The following SNRNP35 variants were observed in gnomAD, a reference collection of about 807,000 sequenced individuals.
SNRNP35 encodes the protein U11/U12 small nuclear ribonucleoprotein 35 kDa protein.
In SNRNP35, 16 loss-of-function variants were observed where a neutral mutation model predicts 24.3. That is an observed-to-expected ratio of 0.66 (90% CI 0.45 to 1.00). SNRNP35 has a LOEUF of 1.00. SNRNP35 is among the 50% of genes least tolerant of loss of function. The pLI is 0.00. For missense variants in SNRNP35, 292 were observed against 327.2 expected, an observed-to-expected ratio of 0.89 and a Z score of 0.83; for synonymous variants, 106 against 124.8, an observed-to-expected ratio of 0.85 and a Z score of 1.00.
rs574829269 is a variant in SNRNP35 at position 123,472,785 on chromosome 12, G to A, written n.1792G>A. On this transcript the variant is annotated non_coding_transcript_exon_variant, in exon 2 of 2. Coordinates refer to the SNRNP35 transcript ENST00000527158. ...CATATAGCAGCAAACTTAGAAGGGA[G>A]CAAATCAATTCAAGGTGTGAAAGAC... 142 of 1,262,390 alleles carry A rather than the reference G, an allele frequency of 1.1e-4. No individual in the cohort carries two copies. The African/African-American group carries it at 2.0e-3, about 18-fold the overall frequency. 78.2% of individuals were successfully genotyped at this position (1,262,390 alleles called of 1,614,324 possible).
chr12:123,466,303 AAGTGAAGTTAC>A lies in SNRNP35; in HGVS notation c.*27_*37del. The A allele has an allele frequency of 6.6e-7, 1 of 1,507,868 alleles. No homozygotes were observed. Among genetic ancestry groups the A allele is most frequent in the Non-Finnish European group, 8.8e-7 (1 of 1,130,860 alleles). The allele number at this position is 1,507,868 out of a possible 1,614,324, so 93.4% of individuals were successfully genotyped here. A position where few individuals can be genotyped will look rare whatever the true frequency, so the allele number is the denominator to read the frequency against. ...GTAGAGGCCCAACAGCAGAACCCCA[AAGTGAAGTTAC>A]AGTGGAAATGAGTGGAGGGGGATTG... On this transcript the variant is annotated 3_prime_UTR_variant, in exon 2 of 2. Coordinates refer to ENST00000526639, the MANE Select transcript of SNRNP35 (RefSeq NM_022717.4).
chr12:123,461,926 T>C (rs908292968), intron 1 of SNRNP35, among the ~76,000 whole-genome samples: 1 of 152,010 alleles, frequency 6.6e-6, no homozygotes, highest in Non-Finnish European at 1.5e-5. Context: ...TTCGCTATGT[T>C]GCTGAGGCTG....
At chr12:123,472,821 G>A (rs1365884360) in exon 2 of SNRNP35, 5 of 874,532 alleles carry the variant, frequency 5.7e-6, no homozygotes, top group East Asian at 2.7e-5. Context: ...AAAGTTGGGG[G>A]TGCAGGTCAA....
intron 1 of SNRNP35, chr12:123,459,763 G>T (rs1019764098): frequency 2.2e-6 from 3 of 1,366,298 alleles, no homozygotes; most frequent in Non-Finnish European, 3.0e-6. Flanking sequence ...CTCCAGCCTG[G>T]GTGACAGAGT....
In SNRNP35 at chr12:123,472,789, A is replaced by G. The variant is rs371622049; in HGVS notation, n.1796A>G. 6.5e-6 allele frequency: 8 copies of G among 1,238,470 alleles called. No homozygotes were observed. In the South Asian group the frequency reaches 9.8e-5, roughly 15 times the overall value. The allele number at this position is 1,238,470 out of a possible 1,614,324, so 76.7% of individuals were successfully genotyped here. On this transcript the variant is annotated non_coding_transcript_exon_variant, in exon 2 of 2. Transcript: ENST00000527158. Reference sequence around the variant, plus strand: ...TAGCAGCAAACTTAGAAGGGAGCAAATCAATTCAAGGTGTGAAAGACAAAG... The same window carrying G: ...TAGCAGCAAACTTAGAAGGGAGCAAGTCAATTCAAGGTGTGAAAGACAAAG...
chr12:123,459,949 C>T, intron 1 of SNRNP35: 2 of 1,222,386 alleles, frequency 1.6e-6, no homozygotes, highest in Non-Finnish European at 2.4e-6. Flanking sequence ...AAAATCCATG[C>T]TTATCCGTTT....
chr12:123,459,283 T>A (rs1252037810), intron 1 of SNRNP35: 1 of 152,378 alleles, frequency 6.6e-6, no homozygotes, highest in Non-Finnish European at 1.5e-5. Flanking sequence ...TTGTAATGCA[T>A]TTTTATAGAC....
chr12:123,465,449 G>C lies in SNRNP35; in HGVS notation c.-3-89G>C. 7.0e-7 allele frequency: 1 copy of C among 1,420,186 alleles called. No homozygotes were observed. The highest frequency in any genetic ancestry group is 1.4e-5 in the African/African-American group (1 of 69,958). The allele number at this position is 1,420,186 out of a possible 1,614,324, so 88.0% of individuals were successfully genotyped here. ...TTCCTGTTTTTAAGAAGAGGTGAAT[G>C]ATAGTATCCTTTTCATGGCATTGTT... On this transcript the variant is annotated intron_variant, in intron 1 of 1. Transcript: ENST00000526639. The surrounding 1 kb of genome is among the most constrained non-coding windows in gnomAD (Gnocchi z 4.2).
At chr12:123,459,931 G>C (rs1880511221) in intron 1 of SNRNP35, 1 of 1,390,578 alleles carries the variant, frequency 7.2e-7, no homozygotes, top group Non-Finnish European at 1.0e-6. Context: ...GCAGATGAGA[G>C]AGAGAACAAA....
At chr12:123,469,672 A>G (rs1054803983), downstream of SNRNP35, among the ~76,000 whole-genome samples, 1 of 151,292 alleles carries the variant, frequency 6.6e-6, no homozygotes, top group African/African-American at 2.4e-5. Flanking sequence ...TTTTTATTTT[A>G]ATTAATTTTT....
In SNRNP35 at chr12:123,466,497, A is replaced by G; in HGVS notation, c.*216A>G. 1 of 469,232 alleles carries G rather than the reference A, an allele frequency of 2.1e-6. No individual in the cohort carries two copies. The highest frequency in any genetic ancestry group is 3.7e-6 in the Non-Finnish European group (1 of 269,138). 29.1% of individuals were successfully genotyped at this position (469,232 alleles called of 1,614,324 possible). On this transcript the variant is annotated 3_prime_UTR_variant, in exon 2 of 2. Transcript: ENST00000526639. ...AAGGACATGTTATTTAACAGGATCA[A>G]GAAGCAATTTTGTAGTTACTGGCAT... is the stretch of plus-strand genomic sequence containing the variant.
rs1189747721 is a variant in SNRNP35, at chr12:123,465,370, G to C, written c.-3-168G>C. The stretch of plus-strand genomic sequence containing the variant: ...AGCACAACTGCCTGGCTTTGGTGCT[G>C]TCTCCCCCACTTACTAGCAGGGAGG... On this transcript the variant is annotated intron_variant, in intron 1 of 1. Coordinates refer to ENST00000526639, the MANE Select transcript of SNRNP35 (RefSeq NM_022717.4). The surrounding 1 kb of genome is among the most constrained non-coding windows in gnomAD (Gnocchi z 4.2). Among the ~76,000 whole-genome samples, 1 of 152,204 alleles carries C rather than the reference G, an allele frequency of 6.6e-6. No homozygotes were observed. Among genetic ancestry groups the C allele is most frequent in the Non-Finnish European group, 1.5e-5 (1 of 68,032 alleles).
At chr12:123,467,258 C>G (rs935602343), downstream of SNRNP35, among the ~76,000 whole-genome samples, 9 of 152,238 alleles carry the variant, frequency 5.9e-5, no homozygotes, top group South Asian at 6.2e-4. Context: ...AAATGCACTT[C>G]CATTCTCACT....
At chr12:123,459,798 G>A (rs1880501437) in intron 1 of SNRNP35, 1 of 1,542,762 alleles carries the variant, frequency 6.5e-7, no homozygotes, top group African/African-American at 1.4e-5. Flanking sequence ...AGTAAAAAAA[G>A]AGAATGTAAA....
At chr12:123,468,158 A>C (rs1224374132), downstream of SNRNP35, among the ~76,000 whole-genome samples, 2 of 150,382 alleles carry the variant, frequency 1.3e-5, no homozygotes, top group Non-Finnish European at 3.0e-5. Context: ...CAGGAGTTCG[A>C]GACCATCCTG....
chr12:123,460,672 T>G (rs1216293550), intron 1 of SNRNP35, among the ~76,000 whole-genome samples: 2 of 147,268 alleles, frequency 1.4e-5, no homozygotes, highest in African/African-American at 5.0e-5. Context: ...CTCAGGAGGC[T>G]AGGGTGGGAG....
At chr12:123,458,256 G>C (rs75082741) in intron 1 of SNRNP35, 40 bp downstream of exon 1, 36,334 of 984,410 alleles carry the variant, frequency 0.037, 729 homozygotes, top group Non-Finnish European at 0.04. Flanking sequence ...CCCCACGCCG[G>C]AGAGAAGGAA....
At chr12:123,468,318 C>T (rs1394066999), downstream of SNRNP35, among the ~76,000 whole-genome samples, 1 of 140,166 alleles carries the variant, frequency 7.1e-6, no homozygotes, top group Admixed American at 7.7e-5. Context: ...AAGACCGGAC[C>T]ACTGCACTCC....
chr12:123,472,973 G>A (rs1358822641), exon 2 of SNRNP35: 27 of 296,174 alleles, frequency 9.1e-5, no homozygotes, highest in East Asian at 5.0e-4. Flanking sequence ...GATTTATCCC[G>A]TTACCAGTGG....
Sources: allele counts gnomAD v4.1 joint callset (sites outside exome capture counted in the v4.1 genomes callset), GRCh38; gene constraint gnomAD v4.1.1; non-coding constraint Gnocchi (gnomAD v3.1); transcripts MANE v1.5; gene names NCBI Gene and HGNC (gene_info 2026-07-23, HGNC 2026-07-21).